Variants in ATP11A observed in about 807,000 individuals in gnomAD.
ATP11A encodes phospholipid-transporting ATPase IH.
In ATP11A, 81 loss-of-function variants were observed where a neutral mutation model predicts 154.4. The ratio of observed to expected loss-of-function variants is 0.52; its 90% CI spans 0.44 to 0.63. ATP11A has a LOEUF of 0.63. Among genes scored for constraint, ATP11A ranks in the 30% least tolerant of loss-of-function variants. ATP11A has a pLI of 0.00. For missense variants in ATP11A, 1,316 were observed against 1,474.3 expected, an observed-to-expected ratio of 0.89 and a Z score of 1.76; for synonymous variants, 623 against 585.9, an observed-to-expected ratio of 1.06 and a Z score of -0.91.
chr13:112,713,036 G>T (rs538020131), intron 1 of ATP11A, among the ~76,000 whole-genome samples: 1 of 152,326 alleles, frequency 6.6e-6, no homozygotes, highest in Non-Finnish European at 1.5e-5. Flanking sequence ...GAGCACGCTC[G>T]ACTGTATTTC....
chr13:112,769,268 G>C lies in ATP11A; in HGVS notation c.40-15867G>C, dbSNP rs74115465. On this transcript the variant is annotated intron_variant, in intron 1 of 29. Transcript: ENST00000375645. ...CTCCAAACCGGGCACAGGACCTCCCGGCCCCACGGCGTGCCTGCAGCCCCG... is the reference window on the plus strand; with the variant it reads ...CTCCAAACCGGGCACAGGACCTCCCCGCCCCACGGCGTGCCTGCAGCCCCG... Among the ~76,000 whole-genome samples the C allele has an allele frequency of 2.5e-3, 378 of 152,330 alleles. 2 individuals carry two copies. Among genetic ancestry groups the C allele is most frequent in the African/African-American group, 8.3e-3 (347 of 41,578 alleles).
intron 25 of ATP11A, among the ~76,000 whole-genome samples, chr13:112,867,846 T>C (rs1566594827): frequency 6.6e-6 from 1 of 152,198 alleles, no homozygotes; most frequent in Non-Finnish European, 1.5e-5. Flanking sequence ...GTTGGGGTGC[T>C]CACCCCTGAG....
rs564229566 is a variant in ATP11A at position 112,764,601 on chromosome 13, G to T, written c.40-20534G>T. On this transcript the variant is annotated intron_variant, in intron 1 of 29. Coordinates refer to ENST00000375645, the MANE Select transcript of ATP11A (RefSeq NM_015205.3). ...GTGGGCTGTGACTGCTGCAGGGATG[G>T]CATTAAAGGAGCCGAAGAGGACCTG... is the stretch of plus-strand genomic sequence containing the variant. Among the ~76,000 whole-genome samples, 447 of 152,328 alleles carry T rather than the reference G, an allele frequency of 2.9e-3. 2 individuals carry two copies. Among genetic ancestry groups the T allele is most frequent in the African/African-American group, 9.9e-3 (413 of 41,594 alleles).
At chr13:112,793,010 A>T (rs1426404677) in intron 2 of ATP11A, among the ~76,000 whole-genome samples, 1 of 152,194 alleles carries the variant, frequency 6.6e-6, no homozygotes, top group Non-Finnish European at 1.5e-5. Flanking sequence ...TTCTATTTGT[A>T]TAAATGATTT....
intron 1 of ATP11A, among the ~76,000 whole-genome samples, chr13:112,719,727 C>T (rs1290737640): frequency 6.6e-6 from 1 of 152,044 alleles, no homozygotes; most frequent in Non-Finnish European, 1.5e-5. Context: ...TGACTCAGGT[C>T]AACAGAATCT....
At chr13:112,810,842 A>G (rs913319936) in intron 5 of ATP11A, 116 bp downstream of exon 5, 3 of 872,902 alleles carry the variant, frequency 3.4e-6, no homozygotes, top group African/African-American at 1.7e-5. Context: ...AGGCTGAGGC[A>G]GGAGGATCGC....
In ATP11A at chr13:112,881,969, A is replaced by G; in HGVS notation, c.*103A>G. The G allele has an allele frequency of 7.3e-7, 1 of 1,367,792 alleles. No homozygotes were observed. Among genetic ancestry groups the G allele is most frequent in the Non-Finnish European group, 9.8e-7 (1 of 1,021,984 alleles). 84.7% of individuals were successfully genotyped at this position (1,367,792 alleles called of 1,614,324 possible). Reference sequence around the variant, plus strand: ...CGCGGCCTGGAAGGAGAAGGTGTCCACGGAGCCCCCACCCATCCTCGGCGG... The same window carrying G: ...CGCGGCCTGGAAGGAGAAGGTGTCCGCGGAGCCCCCACCCATCCTCGGCGG... On this transcript the variant is annotated 3_prime_UTR_variant, in exon 30 of 30. Coordinates refer to ENST00000375645, the MANE Select transcript of ATP11A (RefSeq NM_015205.3).
At chr13:112,831,872 G>GCA (rs1006042914) in intron 13 of ATP11A, among the ~76,000 whole-genome samples, 36 of 151,368 alleles carry the variant, frequency 2.4e-4, no homozygotes, top group African/African-American at 5.6e-4. Flanking sequence ...GATACTGTGT[G>GCA]CACACACACA....
At chr13:112,800,504 A>G (rs1420079072) in intron 2 of ATP11A, among the ~76,000 whole-genome samples, 1 of 152,138 alleles carries the variant, frequency 6.6e-6, no homozygotes, top group Non-Finnish European at 1.5e-5. Flanking sequence ...TCCGTAATTA[A>G]TACTCTTCCA....
intron 16 of ATP11A, among the ~76,000 whole-genome samples, chr13:112,840,056 A>G (rs1012858344): frequency 5.9e-5 from 9 of 152,002 alleles, no homozygotes; most frequent in Admixed American, 6.5e-5. Context: ...GCAGTTCTGC[A>G]GAGATCCTCC....
chr13:112,797,014 G>A (rs754196267), intron 2 of ATP11A, among the ~76,000 whole-genome samples: 5 of 152,122 alleles, frequency 3.3e-5, no homozygotes, highest in Non-Finnish European at 5.9e-5. Flanking sequence ...TAATCCTGGC[G>A]CTTTGGGAGG....
chr13:112,744,674 C>T (rs1173704659), intron 1 of ATP11A, among the ~76,000 whole-genome samples: 1 of 152,178 alleles, frequency 6.6e-6, no homozygotes, highest in Non-Finnish European at 1.5e-5. Flanking sequence ...TTTGCTTTTG[C>T]CAGGAAAGTG....
intron 1 of ATP11A, among the ~76,000 whole-genome samples, chr13:112,715,762 T>C (rs935400209): frequency 2.6e-5 from 4 of 151,814 alleles, no homozygotes; most frequent in African/African-American, 9.7e-5. Context: ...GCAGGACGAA[T>C]TCGCACCTGT....
chr13:112,739,796 A>G (rs368689790), intron 1 of ATP11A, among the ~76,000 whole-genome samples: 30 of 152,344 alleles, frequency 2.0e-4, no homozygotes, highest in African/African-American at 7.0e-4. Context: ...ATTCAGCCAC[A>G]AAAAGGAACG....
In ATP11A at chr13:112,873,440, G is replaced by T. The variant is rs2080607972; in HGVS notation, c.3058-133G>T. 6.2e-5 allele frequency: 39 copies of T among 626,000 alleles called. No individual in the cohort carries two copies. The South Asian group carries it at 7.6e-4, about 12-fold the overall frequency. The allele number at this position is 626,000 out of a possible 1,614,324, so 38.8% of individuals were successfully genotyped here. ...TGTCTTCCTGAGCCGTGTTTTGCAGGCATTGAGTCGTCATTGCTGGGTCTT... is the reference window on the plus strand; with the variant it reads ...TGTCTTCCTGAGCCGTGTTTTGCAGTCATTGAGTCGTCATTGCTGGGTCTT... On this transcript the variant is annotated intron_variant, in intron 26 of 29. Transcript: ENST00000375645.
intron 1 of ATP11A, among the ~76,000 whole-genome samples, chr13:112,728,494 A>G (rs1890130695): frequency 7.0e-6 from 1 of 142,044 alleles, no homozygotes; most frequent in Admixed American, 7.1e-5. Flanking sequence ...TGTTACCTGT[A>G]TGTACCGCGT....
chr13:112,705,387 G>GAGGGAAACCCTGGGATT (rs1566355740), intron 1 of ATP11A, among the ~76,000 whole-genome samples: 27 of 152,028 alleles, frequency 1.8e-4, no homozygotes, highest in African/African-American at 6.5e-4. Context: ...GGGGTGCTCA[G>GAGGGAAACCCTGGGATT]CAGTTGATGT....
rs776850248 is a variant in ATP11A at position 112,881,990 on chromosome 13, G to A, written c.*124G>A. ...GTCCACGGAGCCCCCACCCATCCTC[G>A]GCGGTTCCCATCACCACTGCAGTTC... On this transcript the variant is annotated 3_prime_UTR_variant, in exon 30 of 30. Coordinates refer to ENST00000375645, the MANE Select transcript of ATP11A (RefSeq NM_015205.3). 1.2e-5 allele frequency: 17 copies of A among 1,367,660 alleles called. No homozygotes were observed. Among genetic ancestry groups the A allele is most frequent in the African/African-American group, 5.9e-5 (4 of 67,720 alleles). 84.7% of individuals were successfully genotyped at this position (1,367,660 alleles called of 1,614,324 possible). A position where few individuals can be genotyped will look rare whatever the true frequency, so the allele number is the denominator to read the frequency against.
chr13:112,750,696 C>G (rs2076670432), intron 1 of ATP11A, among the ~76,000 whole-genome samples: 2 of 152,266 alleles, frequency 1.3e-5, no homozygotes, highest in South Asian at 4.1e-4. Flanking sequence ...ACTTTGCTCA[C>G]TAGTGTTTAC....
Sources: gnomAD v4.1 joint callset for allele counts (sites outside exome capture counted in the v4.1 genomes callset) on GRCh38, gnomAD v4.1.1 for gene constraint, MANE v1.5 for transcripts, NCBI Gene and HGNC (gene_info 2026-07-23, HGNC 2026-07-21) for gene names.